MAPK10: variants seen among roughly 807,000 people sequenced by gnomAD.
MAPK10 encodes the protein JNK3 alpha protein kinase.
MAPK10 carries 25 observed loss-of-function variants against 59.3 expected under a neutral mutation model. The observed-to-expected ratio is 0.42, with a 90% CI of 0.31 to 0.59. The LOEUF (loss-of-function observed/expected upper bound fraction) is 0.59, where lower values mean the gene tolerates loss of function less well. Ranked by LOEUF, MAPK10 falls within the 20% of genes least tolerant of loss-of-function variation. MAPK10 has a pLI of 0.15. For synonymous variants in MAPK10, 190 were observed against 200.5 expected, an observed-to-expected ratio of 0.95 and a Z score of 0.44; for missense variants, 351 against 568.9, an observed-to-expected ratio of 0.62 and a Z score of 3.90.
chr4:86,476,944 C>A (rs1031887786), intron 1 of MAPK10, among the ~76,000 whole-genome samples: 1 of 152,192 alleles, frequency 6.6e-6, no homozygotes, highest in East Asian at 1.9e-4. Flanking sequence ...CTGTGCGGGA[C>A]CCCACTGAAA....
chr4:86,518,519 A>G (rs926724956), intron 1 of MAPK10, among the ~76,000 whole-genome samples: 2 of 151,902 alleles, frequency 1.3e-5, no homozygotes, highest in Non-Finnish European at 2.9e-5. Flanking sequence ...TTCTTGGTTA[A>G]TCTCACTAAC....
chr4:86,397,878 A>AC (rs201790843), intron 1 of MAPK10, among the ~76,000 whole-genome samples: 3,340 of 150,082 alleles, frequency 0.022, 64 homozygotes, highest in South Asian at 0.037. Flanking sequence ...AAAAAAAAAA[A>AC]AAAAAAAAAA....
intron 3 of MAPK10, among the ~76,000 whole-genome samples, chr4:86,181,776 TTAG>T (rs1251856725): frequency 1.3e-5 from 2 of 152,056 alleles, no homozygotes; most frequent in African/African-American, 4.8e-5. Flanking sequence ...ATCTGTAAAC[TTAG>T]TAGTAATGCA....
intron 1 of MAPK10, among the ~76,000 whole-genome samples, chr4:86,510,592 T>TATAC (rs1756149406): frequency 6.6e-6 from 1 of 151,768 alleles, no homozygotes; most frequent in Non-Finnish European, 1.5e-5. Flanking sequence ...AATATATCTA[T>TATAC]ATGCATGTAT....
intron 11 of MAPK10, among the ~76,000 whole-genome samples, chr4:86,055,518 C>T (rs932914807): frequency 4.7e-5 from 7 of 149,464 alleles, no homozygotes; most frequent in Non-Finnish European, 8.9e-5. Flanking sequence ...AAGTAATAAG[C>T]ATGTTTCAAA....
intron 2 of MAPK10, among the ~76,000 whole-genome samples, chr4:86,319,173 A>G (rs895152392): frequency 3.9e-5 from 6 of 152,172 alleles, no homozygotes; most frequent in African/African-American, 1.4e-4. Context: ...AAAGGAAGAG[A>G]CAAGTAAGGT....
At chr4:86,028,337 A>G (rs1025171266) in intron 13 of MAPK10, 2 of 152,166 alleles carry the variant, frequency 1.3e-5, no homozygotes, top group Non-Finnish European at 2.9e-5. Context: ...AAAGCATGTC[A>G]TAACCGAATT....
rs563040466 is a variant in MAPK10, at chr4:86,178,581, A to G, written c.66+15755T>C. On this transcript the variant is annotated intron_variant, in intron 3 of 13. Transcript: ENST00000641462. ...TTATGATAAACCCATAGCTAACATC[A>G]TACTGAATAGGGAAAACCTTAAAGC... Among the ~76,000 whole-genome samples the G allele has an allele frequency of 2.6e-5, 4 of 152,282 alleles. No homozygotes were observed. The East Asian group carries it at 7.7e-4, about 29-fold the overall frequency.
intron 1 of MAPK10, among the ~76,000 whole-genome samples, chr4:86,491,687 T>G (rs149426214): frequency 7.5e-4 from 114 of 152,370 alleles, no homozygotes; most frequent in African/African-American, 2.6e-3. Context: ...CATTTTTATT[T>G]CCCAGTAGGA....
chr4:86,402,301 T>G (rs115116879), intron 1 of MAPK10, among the ~76,000 whole-genome samples: 1,719 of 152,266 alleles, frequency 0.011, 14 homozygotes, highest in Middle Eastern at 0.02. Context: ...CAACCATGTC[T>G]GAAGCCATCT....
At chr4:86,086,449 A>G (rs2051874289) in intron 9 of MAPK10, among the ~76,000 whole-genome samples, 1 of 152,184 alleles carries the variant, frequency 6.6e-6, no homozygotes, top group Admixed American at 6.5e-5. Context: ...GAGGGAGTGG[A>G]TATTCCATCT....
intron 1 of MAPK10, among the ~76,000 whole-genome samples, chr4:86,501,685 C>G (rs1374826648): frequency 1.3e-5 from 2 of 150,490 alleles, no homozygotes; most frequent in Non-Finnish European, 3.0e-5. Flanking sequence ...TGCATGCACA[C>G]ACACACACAC....
At chr4:86,100,902 C>T (rs895481803) in intron 8 of MAPK10, 150 bp downstream of exon 8, 23 of 594,632 alleles carry the variant, frequency 3.9e-5, no homozygotes, top group Admixed American at 3.9e-4. Context: ...GTGTTTCTTA[C>T]CAGTAGTATT....
At chr4:86,070,594 A>G (rs2047697924) in intron 9 of MAPK10, among the ~76,000 whole-genome samples, 1 of 130,360 alleles carries the variant, frequency 7.7e-6, no homozygotes, top group Non-Finnish European at 1.5e-5. Flanking sequence ...TCCTGTGTCC[A>G]TGTGATCTCA....
chr4:86,428,633 A>T (rs1284830078), intron 1 of MAPK10, among the ~76,000 whole-genome samples: 1 of 152,228 alleles, frequency 6.6e-6, no homozygotes, highest in African/African-American at 2.4e-5. Context: ...GACAATTATG[A>T]CTTGTCCCTC....
upstream of MAPK10, among the ~76,000 whole-genome samples, chr4:86,361,393 G>GCC (rs1225407113): frequency 6.6e-6 from 1 of 152,114 alleles, no homozygotes; most frequent in Non-Finnish European, 1.5e-5. Context: ...GGGCCTACCT[G>GCC]CAAGATAACT....
chr4:86,023,812 AATATATATATATATATATATATATAT>A lies in MAPK10; in HGVS notation c.1252+5359_1252+5384del, dbSNP rs368982706. 8.0e-5 allele frequency: 8 copies of A among 100,428 alleles called. No homozygotes were observed. In the East Asian group the frequency reaches 1.6e-3, roughly 20 times the overall value. The allele number at this position is 100,428 out of a possible 1,614,324, so 6.2% of individuals were successfully genotyped here. A position where few individuals can be genotyped will look rare whatever the true frequency, so the allele number is the denominator to read the frequency against. ...TTGGATGTTAAAAACAGATCAAATG[AATATATATATATATATATATATATAT>A]ATATATATATATAAAATGAATGTTG... On this transcript the variant is annotated intron_variant, in intron 13 of 13. Coordinates refer to ENST00000641462, the MANE Select transcript of MAPK10 (RefSeq NM_138982.4).
intron 2 of MAPK10, among the ~76,000 whole-genome samples, chr4:86,242,135 G>C (rs1316061067): frequency 2.0e-5 from 3 of 151,928 alleles, no homozygotes; most frequent in African/African-American, 7.3e-5. Context: ...AGTTTGCTGG[G>C]GGTTCACTTC....
chr4:86,581,917 A>ATATATAT lies in MAPK10; in HGVS notation c.-263+11986_-263+11992dup, dbSNP rs1554284942. 3.7e-4 allele frequency among the ~76,000 whole-genome samples: 22 copies of ATATATAT among 59,116 alleles called. 1 individual carries two copies. The highest frequency in any genetic ancestry group is 3.5e-4 in the Non-Finnish European group (8 of 22,796). 38.8% of individuals were successfully genotyped at this position (59,116 alleles called of 152,430 possible). A position where few individuals can be genotyped will look rare whatever the true frequency, so the allele number is the denominator to read the frequency against. ...ATATATATTATATATATATATATAT[A>ATATATAT]TATATATATATATATATATATATAT... On this transcript the variant is annotated intron_variant, in intron 1 of 4. Transcript: ENST00000502302.
Sources: allele counts gnomAD v4.1 joint callset (sites outside exome capture counted in the v4.1 genomes callset), GRCh38; gene constraint gnomAD v4.1.1; transcripts MANE v1.5; gene names NCBI Gene and HGNC (gene_info 2026-07-23, HGNC 2026-07-21).